The following TSPAN1 variants were observed in gnomAD, a reference collection of about 807,000 sequenced individuals.
TSPAN1 encodes tetraspanin 1, also known as tetraspanin-1.
A neutral mutation model predicts 26.9 loss-of-function variants in TSPAN1; 23 were observed. The observed-to-expected ratio is 0.85, with a 90% CI of 0.62 to 1.21. TSPAN1 has a LOEUF of 1.21. Ranked by LOEUF, TSPAN1 falls within the 50% of genes most tolerant of loss-of-function variation. The pLI, the probability that TSPAN1 is intolerant of heterozygous loss-of-function variation, is 0.00. For synonymous variants in TSPAN1, 115 were observed against 114.8 expected (o/e 1.00, Z -0.01); for missense variants, 283 against 298.4 (o/e 0.95, Z 0.38).
chr1:46,176,591 G>T, intron 1 of TSPAN1: 1 of 1,242,304 alleles, frequency 8.0e-7, no homozygotes, highest in Non-Finnish European at 1.1e-6. Flanking sequence ...GTGGGCCCTG[G>T]CCCCTCCTCA....
chr1:46,176,096 C>T (rs1396111770), intron 1 of TSPAN1: 51 of 970,276 alleles, frequency 5.3e-5, no homozygotes, highest in East Asian at 1.8e-4. Flanking sequence ...AGGATGGTCT[C>T]GATCTCCTGA....
In TSPAN1 at chr1:46,183,279, G is replaced by A. The variant is rs1024761173; in HGVS notation, c.58-912G>A. ...CAAAGCAGGATAGGGCAGACCTCCAGCTCCATGAAATTTGACCCTGCAGGC... is the reference window on the plus strand; with the variant it reads ...CAAAGCAGGATAGGGCAGACCTCCAACTCCATGAAATTTGACCCTGCAGGC... On this transcript the variant is annotated intron_variant, in intron 3 of 8. Transcript: ENST00000372003. 2.6e-5 allele frequency among the ~76,000 whole-genome samples: 4 copies of A among 152,212 alleles called. No individual in the cohort carries two copies. The South Asian group carries it at 6.2e-4, about 24-fold the overall frequency.
chr1:46,196,007 C>T, the TSPAN1 span: 1 of 1,614,082 alleles, frequency 6.2e-7, no homozygotes, highest in Non-Finnish European at 8.5e-7. The surrounding 1 kb of genome is among the most constrained non-coding windows in gnomAD (Gnocchi z 4.4). Flanking sequence ...CCCCTAGAAA[C>T]TCACCGTGGC....
Position 46,180,906 on chromosome 1 carries a change from T to C in TSPAN1, c.-8-194T>C, listed in dbSNP as rs796549756. ...GTCAGGTGCTGGTGGAGGTCCTGGG[T>C]AGTATAGAGGGGTAAGGGTGTTAGG... is the stretch of plus-strand genomic sequence containing the variant. On this transcript the variant is annotated intron_variant, in intron 2 of 8. Coordinates refer to ENST00000372003, the MANE Select transcript of TSPAN1 (RefSeq NM_005727.4). Among the ~76,000 whole-genome samples, 27 of 151,710 alleles carry C rather than the reference T, an allele frequency of 1.8e-4. 1 individual carries two copies. The highest frequency in any genetic ancestry group is 6.5e-4 in the African/African-American group (27 of 41,356).
chr1:46,191,927 C>A, the TSPAN1 span: 27 of 1,142,148 alleles, frequency 2.4e-5, no homozygotes, highest in South Asian at 2.4e-4. Flanking sequence ...AGCCACCGCG[C>A]CCAGCCCTTT....
intron 1 of TSPAN1, among the ~76,000 whole-genome samples, chr1:46,179,657 G>A (rs1657264343): frequency 6.6e-6 from 1 of 152,192 alleles, no homozygotes; most frequent in African/African-American, 2.4e-5. Context: ...CCCACTAGGA[G>A]TAACAAAGAT....
intron 1 of TSPAN1, chr1:46,176,216 C>G (rs956416283): frequency 2.0e-6 from 3 of 1,534,574 alleles, no homozygotes; most frequent in East Asian, 4.9e-5. Context: ...GCTCACAGGC[C>G]CCCTGGCTAA....
chr1:46,185,329 G>A (rs1657406737), intron 8 of TSPAN1, 21 bp downstream of exon 8: 2 of 1,613,676 alleles, frequency 1.2e-6, no homozygotes, highest in East Asian at 4.5e-5. Flanking sequence ...GAGGAGGCTG[G>A]GACTGGGACA....
intron 1 of TSPAN1, 46 bp downstream of exon 1, chr1:46,175,455 C>G (rs1657108171): frequency 2.5e-6 from 1 of 396,172 alleles, no homozygotes; most frequent in Non-Finnish European, 4.4e-6. Flanking sequence ...GCATAGTCAG[C>G]TGGTTAACAC....
At chr1:46,189,798 G>A (rs1449974004), downstream of TSPAN1, 4 of 1,609,812 alleles carry the variant, frequency 2.5e-6, no homozygotes, top group African/African-American at 1.3e-5. Context: ...TGGATCTTGG[G>A]GCAGTATGTG....
downstream of TSPAN1, chr1:46,190,030 A>G (rs369372763): frequency 8.7e-4 from 1,407 of 1,610,096 alleles, 17 homozygotes; most frequent in South Asian, 0.014. Flanking sequence ...GACAGGGCCC[A>G]CTTCATGGGT....
At chr1:46,184,437 C>A in intron 4 of TSPAN1, 40 bp downstream of exon 4, 1 of 1,612,890 alleles carries the variant, frequency 6.2e-7, no homozygotes, top group Non-Finnish European at 8.5e-7. Context: ...GACCAAGAGT[C>A]CCCTCGCCCT....
In TSPAN1 at chr1:46,181,215, C is replaced by G. The variant is rs756410445; in HGVS notation, c.57+51C>G. Reference sequence around the variant, plus strand: ...TGGGGCTCCCTATAGGAGCAGGTCACAAGCTGAGTAGAGACTAAGCTGGGG... The same window carrying G: ...TGGGGCTCCCTATAGGAGCAGGTCAGAAGCTGAGTAGAGACTAAGCTGGGG... On this transcript the variant is annotated intron_variant, in intron 3 of 8. Coordinates refer to ENST00000372003, the MANE Select transcript of TSPAN1 (RefSeq NM_005727.4). 11 of 1,560,560 alleles carry G rather than the reference C, an allele frequency of 7.0e-6. No individual in the cohort carries two copies. In the Admixed American group the frequency reaches 1.8e-4, roughly 26 times the overall value.
downstream of TSPAN1, chr1:46,189,865 G>A: frequency 6.2e-7 from 1 of 1,613,896 alleles, no homozygotes. Flanking sequence ...TTGGCAAGCT[G>A]GGTCCAGGTG....
the TSPAN1 span, chr1:46,193,218 GGGAGT>G: frequency 1.2e-6 from 2 of 1,614,206 alleles, no homozygotes; most frequent in South Asian, 2.2e-5. Flanking sequence ...TTGTAGTGCT[GGGAGT>G]GGGGTGGGAA....
At chr1:46,177,151 A>G (rs569338858) in intron 1 of TSPAN1, among the ~76,000 whole-genome samples, 21 of 152,188 alleles carry the variant, frequency 1.4e-4, no homozygotes, top group Non-Finnish European at 2.9e-4. Context: ...CCTGGTTAAC[A>G]TGGCAAAACC....
the TSPAN1 span, chr1:46,193,231 G>A: frequency 1.9e-6 from 3 of 1,614,022 alleles, no homozygotes; most frequent in African/African-American, 2.7e-5. Context: ...AGTGGGGTGG[G>A]AATAGGGCAC....
the TSPAN1 span, chr1:46,193,829 T>C: frequency 6.2e-7 from 1 of 1,613,554 alleles, no homozygotes; most frequent in South Asian, 1.1e-5. Flanking sequence ...TGTTCAGTGC[T>C]GGGTATAGCC....
intron 3 of TSPAN1, chr1:46,183,807 G>A: frequency 4.0e-6 from 1 of 248,654 alleles, no homozygotes; most frequent in South Asian, 3.6e-5. Flanking sequence ...CCACCTATCA[G>A]AGGACAGAGG....
Sources: gnomAD v4.1 joint callset for allele counts (sites outside exome capture counted in the v4.1 genomes callset) on GRCh38, gnomAD v4.1.1 for gene constraint, Gnocchi (gnomAD v3.1) non-coding constraint, MANE v1.5 for transcripts, NCBI Gene and HGNC (gene_info 2026-07-23, HGNC 2026-07-21) for gene names.